Variants in DMTN observed in about 807,000 individuals in gnomAD.
DMTN encodes the protein dematin.
In DMTN, 27 loss-of-function variants were observed where a neutral mutation model predicts 59.4. The observed-to-expected ratio is 0.45, with a 90% CI of 0.33 to 0.63. DMTN has a LOEUF of 0.63. Among genes scored for constraint, DMTN ranks in the 20% least tolerant of loss-of-function variants. The probability of loss-of-function intolerance (pLI) is 0.02; values close to 1 mark genes in which losing one functional copy is unlikely to be tolerated. For synonymous variants in DMTN, 221 were observed against 203.7 expected, an observed-to-expected ratio of 1.08 and a Z score of -0.72; for missense variants, 451 against 528.9, an observed-to-expected ratio of 0.85 and a Z score of 1.45.
chr8:22,080,603 C>T lies in DMTN; in HGVS notation c.950-15C>T, dbSNP rs372080381. ...CTCAGAGCTGCATCTGACCCATGCC[C>T]CTTCTCTCCCGCAGGCCTGCAGGTG... On this transcript the variant is annotated splice_polypyrimidine_tract_variant and intron_variant, in intron 12 of 15. Coordinates refer to ENST00000358242, the MANE Select transcript of DMTN (RefSeq NM_001387751.1). 1.9e-6 allele frequency: 3 copies of T among 1,609,620 alleles called. No homozygotes were observed. The highest frequency in any genetic ancestry group is 2.5e-6 in the Non-Finnish European group (3 of 1,177,916).
intron 1 of DMTN, among the ~76,000 whole-genome samples, chr8:22,064,363 A>G (rs1180371477): frequency 1.3e-5 from 2 of 152,276 alleles, no homozygotes; most frequent in African/African-American, 4.8e-5. Flanking sequence ...CTTAATTAAA[A>G]GCATTACAAA....
rs149330702 is a variant in DMTN at position 22,072,356 on chromosome 8, G to C, written c.635G>C (p.Arg212Pro). The C allele has an allele frequency of 1.2e-6, 2 of 1,604,302 alleles. No individual in the cohort carries two copies. The highest frequency in any genetic ancestry group is 1.7e-6 in the Non-Finnish European group (2 of 1,175,164). Residue 212 changes from arginine to proline, a missense_variant, in exon 9 of 16, where the codon CGG (arginine) becomes CCG (proline). Coordinates refer to ENST00000358242, the MANE Select transcript of DMTN (RefSeq NM_001387751.1). ...ETEWRKRKAS[R>P]RGAEEEEEEE... ...GAATGGAGGAAGCGGAAGGCGTCTC[G>C]GAGGGGAGCAGAGGAAGAGGAGGAG...
chr8:22,078,444 T>C (rs1201705467), intron 10 of DMTN, among the ~76,000 whole-genome samples: 1 of 149,378 alleles, frequency 6.7e-6, no homozygotes, highest in East Asian at 1.9e-4. Context: ...TATATATGTA[T>C]ATATTAAGAT....
chr8:22,066,780 G>T lies in DMTN; in HGVS notation c.-96G>T. 1 of 1,329,820 alleles carries T rather than the reference G, an allele frequency of 7.5e-7. No homozygotes were observed. Among genetic ancestry groups the T allele is most frequent in the Non-Finnish European group, 9.8e-7 (1 of 1,022,028 alleles). The allele number at this position is 1,329,820 out of a possible 1,614,324, so 82.4% of individuals were successfully genotyped here. On this transcript the variant is annotated 5_prime_UTR_variant, in exon 2 of 16. Coordinates refer to ENST00000358242, the MANE Select transcript of DMTN (RefSeq NM_001387751.1). ...GCCAGCTGCTTTCGCGGCCCCAAGC[G>T]CGCAGCGCCCAGCAGCCGCGCCGAG...
Position 22,081,538 on chromosome 8 carries a change from C to A in DMTN, c.*75C>A. 7.3e-7 allele frequency: 1 copy of A among 1,368,656 alleles called. No homozygotes were observed. Among genetic ancestry groups the A allele is most frequent in the Non-Finnish European group, 1.0e-6 (1 of 961,092 alleles). 84.8% of individuals were successfully genotyped at this position (1,368,656 alleles called of 1,614,324 possible). A position where few individuals can be genotyped will look rare whatever the true frequency, so the allele number is the denominator to read the frequency against. ...TTTTTCCCCGGCGGGTTGGGAGGGG[C>A]AGGAGGTGGGGTGGAAATAGGGTGG... On this transcript the variant is annotated 3_prime_UTR_variant, in exon 16 of 16. Coordinates refer to ENST00000358242, the MANE Select transcript of DMTN (RefSeq NM_001387751.1).
intron 1 of DMTN, among the ~76,000 whole-genome samples, chr8:22,065,807 C>T (rs1810132060): frequency 6.8e-6 from 1 of 146,716 alleles, no homozygotes; most frequent in African/African-American, 2.5e-5. Flanking sequence ...TGCGCTCCGG[C>T]CTGGGCGACA....
chr8:22,081,438 T>G lies in DMTN; in HGVS notation c.1193T>G (p.Leu398Arg). Residue 398 changes from leucine (L) to arginine (R), a missense_variant, in exon 16 of 16, where the codon CTC (leucine) becomes CGC (arginine). Coordinates refer to ENST00000358242, the MANE Select transcript of DMTN (RefSeq NM_001387751.1). ...GKLALWKRNE[L>R]KKKASLF ...CTGGCTCTGTGGAAGCGGAATGAGC[T>G]CAAGAAGAAGGCCTCTCTCTTCTGA... 6.2e-7 allele frequency: 1 copy of G among 1,614,016 alleles called. No homozygotes were observed. The highest frequency in any genetic ancestry group is 8.5e-7 in the Non-Finnish European group (1 of 1,179,956).
chr8:22,081,046 G>C lies in DMTN; in HGVS notation c.1024-67G>C. 5 of 1,537,758 alleles carry C rather than the reference G, an allele frequency of 3.3e-6. 1 individual carries two copies. The South Asian group carries it at 5.6e-5, about 17-fold the overall frequency. On this transcript the variant is annotated intron_variant, in intron 14 of 15. Transcript: ENST00000358242. ...CCAGTGGCCTCTGCAGGTTGATGTG[G>C]GAGGCCTAGGGAGTCGAAGGACAGG...
At chr8:22,068,401 C>A (rs1368000654) in intron 4 of DMTN, among the ~76,000 whole-genome samples, 1 of 152,158 alleles carries the variant, frequency 6.6e-6, no homozygotes, top group Non-Finnish European at 1.5e-5. Context: ...CACAGGGAGA[C>A]CCCCATCTCT....
chr8:22,057,533 G>T (rs1803346521), intron 1 of DMTN, among the ~76,000 whole-genome samples: 1 of 152,214 alleles, frequency 6.6e-6, no homozygotes, highest in African/African-American at 2.4e-5. Flanking sequence ...CATGCTCTGG[G>T]GGTTGGAGCA....
upstream of DMTN, among the ~76,000 whole-genome samples, chr8:22,054,319 A>G (rs1189197160): frequency 7.1e-6 from 1 of 141,752 alleles, no homozygotes; most frequent in Non-Finnish European, 1.5e-5. Context: ...AGACTCAGGC[A>G]TGGTGGGGGA....
chr8:22,059,961 G>A (rs1310646011), intron 1 of DMTN, among the ~76,000 whole-genome samples: 2 of 152,114 alleles, frequency 1.3e-5, no homozygotes, highest in African/African-American at 4.8e-5. Flanking sequence ...CTGGGGAGCT[G>A]TGGAGAGGAG....
At chr8:22,052,274 T>C (rs1434937825), upstream of DMTN, among the ~76,000 whole-genome samples, 1 of 152,220 alleles carries the variant, frequency 6.6e-6, no homozygotes, top group Non-Finnish European at 1.5e-5. Context: ...GATGTAGAAA[T>C]AGTCCATCTT....
chr8:22,081,498 C>G lies in DMTN; in HGVS notation c.*35C>G, dbSNP rs1824274325. On this transcript the variant is annotated 3_prime_UTR_variant, in exon 16 of 16. Coordinates refer to ENST00000358242, the MANE Select transcript of DMTN (RefSeq NM_001387751.1). ...CCTGCTCCGGGACGGCCCCCTTACC[C>G]CTGCTGCTTCAGGGTTTTTCCCCGG... 4 of 1,586,366 alleles carry G rather than the reference C, an allele frequency of 2.5e-6. No homozygotes were observed. In the East Asian group the frequency reaches 8.9e-5, roughly 35 times the overall value.
intron 10 of DMTN, among the ~76,000 whole-genome samples, chr8:22,076,644 TAGTGACATATATACACATATATAC>T (rs1296879252): frequency 6.6e-6 from 1 of 151,842 alleles, no homozygotes; most frequent in Non-Finnish European, 1.5e-5. Flanking sequence ...ACGATATATA[TAGTGACATATATACACATATATAC>T]AGTGACATAT....
chr8:22,067,254 C>A, intron 3 of DMTN, 95 bp downstream of exon 3: 1 of 1,386,712 alleles, frequency 7.2e-7, no homozygotes, highest in Middle Eastern at 1.8e-4. Flanking sequence ...AGAGCCTCCC[C>A]AGTGGTGGTC....
At chr8:22,079,434 C>T (rs1226968364) in intron 10 of DMTN, among the ~76,000 whole-genome samples, 1 of 150,860 alleles carries the variant, frequency 6.6e-6, no homozygotes, top group Non-Finnish European at 1.5e-5. Context: ...CTGGATGACA[C>T]ACGGAGACCC....
upstream of DMTN, among the ~76,000 whole-genome samples, chr8:22,051,524 T>G (rs1198770372): frequency 6.6e-6 from 1 of 151,990 alleles, no homozygotes; most frequent in Non-Finnish European, 1.5e-5. Flanking sequence ...CAAAGAACCG[T>G]TTCTCCTTAA....
At position 22,060,514 on chromosome 8, in the gene DMTN, T is replaced by G. The variant is rs1449677711; in HGVS notation, c.-172+3378T>G. Among the ~76,000 whole-genome samples the G allele has an allele frequency of 6.6e-6, 1 of 152,164 alleles. No homozygotes were observed. The highest frequency in any genetic ancestry group is 1.5e-5 in the Non-Finnish European group (1 of 68,046). On this transcript the variant is annotated intron_variant, in intron 1 of 15. Transcript: ENST00000358242. The surrounding 1 kb of genome is among the most constrained non-coding windows in gnomAD (Gnocchi z 5.0). ...TTTCCCGGCTGGCCTTCTGACAGCT[T>G]AAAATTTAACCAGTACAAACATTAT...
Sources: gnomAD v4.1 joint callset for allele counts (sites outside exome capture counted in the v4.1 genomes callset) on GRCh38, gnomAD v4.1.1 for gene constraint, Gnocchi (gnomAD v3.1) non-coding constraint, MANE v1.5 for transcripts, NCBI Gene and HGNC (gene_info 2026-07-23, HGNC 2026-07-21) for gene names.